The following ASIC2 variants were observed in gnomAD, a reference collection of about 807,000 sequenced individuals.
The protein encoded by ASIC2 is acid-sensing ion channel 2.
ASIC2 carries 25 observed loss-of-function variants against 57.3 expected under a neutral mutation model. That is an observed-to-expected ratio of 0.44 (90% CI 0.32 to 0.61). The LOEUF is 0.61. ASIC2 is among the 20% of genes least tolerant of loss of function. The pLI is 0.06. For synonymous variants in ASIC2, 319 were observed against 307.5 expected (o/e 1.04, Z -0.39); for missense variants, 641 against 738.1 (o/e 0.87, Z 1.52).
At chr17:34,037,630 A>C in intron 1 of ASIC2, 1 of 1,602,180 alleles carries the variant, frequency 6.2e-7, no homozygotes, top group Non-Finnish European at 8.5e-7. Flanking sequence ...CTCAATTAGA[A>C]GAACTGTTAT....
At chr17:33,154,227 C>T (rs1007411610) in intron 1 of ASIC2, among the ~76,000 whole-genome samples, 1 of 152,190 alleles carries the variant, frequency 6.6e-6, no homozygotes, top group Non-Finnish European at 1.5e-5. Flanking sequence ...GGCTTGGGTG[C>T]AGTGGCTATT....
intron 1 of ASIC2, among the ~76,000 whole-genome samples, chr17:33,166,035 T>G (rs1905296381): frequency 6.6e-6 from 1 of 152,180 alleles, no homozygotes; most frequent in African/African-American, 2.4e-5. Context: ...CACTGTAATA[T>G]CCAGAGACAT....
intron 1 of ASIC2, among the ~76,000 whole-genome samples, chr17:33,543,608 G>A (rs1424535438): frequency 3.9e-5 from 6 of 152,216 alleles, no homozygotes; most frequent in Non-Finnish European, 7.3e-5. Flanking sequence ...GAAACTGTCT[G>A]TGGTCCCTGC....
chr17:34,118,155 G>C (rs1911483658), intron 1 of ASIC2, among the ~76,000 whole-genome samples: 1 of 152,136 alleles, frequency 6.6e-6, no homozygotes, highest in African/African-American at 2.4e-5. Context: ...GTCACTAATG[G>C]ATTGTATAAT....
chr17:33,183,212 C>A (rs890669293), intron 1 of ASIC2, among the ~76,000 whole-genome samples: 1 of 152,158 alleles, frequency 6.6e-6, no homozygotes, highest in Non-Finnish European at 1.5e-5. Context: ...AGAAACTAAC[C>A]TTTATTTTTG....
intron 1 of ASIC2, among the ~76,000 whole-genome samples, chr17:33,963,524 T>C (rs1002669942): frequency 1.3e-5 from 2 of 152,194 alleles, no homozygotes; most frequent in Non-Finnish European, 2.9e-5. Flanking sequence ...GTAACTTAAA[T>C]ATGCATTGGA....
intron 1 of ASIC2, among the ~76,000 whole-genome samples, chr17:33,542,147 G>A (rs1407689600): frequency 1.3e-5 from 2 of 152,174 alleles, no homozygotes; most frequent in Non-Finnish European, 2.9e-5. Context: ...AATCTTCATT[G>A]TTGGACATTT....
At chr17:33,238,982 T>C (rs1908400501) in intron 1 of ASIC2, among the ~76,000 whole-genome samples, 3 of 146,752 alleles carry the variant, frequency 2.0e-5, no homozygotes, top group Non-Finnish European at 4.5e-5. Context: ...CCAGCCTGAA[T>C]GACAGAGAGA....
intron 3 of ASIC2, among the ~76,000 whole-genome samples, chr17:33,085,604 C>T (rs1373044321): frequency 1.3e-5 from 2 of 152,238 alleles, no homozygotes. Context: ...TTGTTTACCA[C>T]TGTATCTCTA....
chr17:33,050,516 A>G (rs2091970984), intron 3 of ASIC2, among the ~76,000 whole-genome samples: 1 of 152,186 alleles, frequency 6.6e-6, no homozygotes, highest in Non-Finnish European at 1.5e-5. Context: ...CCTCTTCCCT[A>G]ACTCAGGGGC....
intron 1 of ASIC2, among the ~76,000 whole-genome samples, chr17:33,811,174 T>C (rs921838400): frequency 1.3e-5 from 2 of 152,198 alleles, no homozygotes; most frequent in Non-Finnish European, 2.9e-5. Context: ...TACAGATCAT[T>C]AAAGCACATT....
chr17:33,970,239 C>G (rs967156908), intron 1 of ASIC2, among the ~76,000 whole-genome samples: 1 of 152,184 alleles, frequency 6.6e-6, no homozygotes, highest in Non-Finnish European at 1.5e-5. Context: ...TATCAAATGT[C>G]CCCTGGGTGG....
intron 1 of ASIC2, among the ~76,000 whole-genome samples, chr17:33,953,031 T>G (rs1904627861): frequency 6.6e-6 from 1 of 152,230 alleles, no homozygotes; most frequent in African/African-American, 2.4e-5. Context: ...TATATTATTT[T>G]ATAATGGGTT....
chr17:33,065,812 T>C (rs1327314989), intron 3 of ASIC2, among the ~76,000 whole-genome samples: 2 of 152,168 alleles, frequency 1.3e-5, no homozygotes, highest in South Asian at 2.1e-4. Context: ...TGAAAAACTA[T>C]ATGTCCGATT....
At chr17:33,505,892 C>CA (rs1914235049) in intron 1 of ASIC2, among the ~76,000 whole-genome samples, 1 of 152,202 alleles carries the variant, frequency 6.6e-6, no homozygotes, top group African/African-American at 2.4e-5. Flanking sequence ...AACTCATTAT[C>CA]ATGCATTTTA....
chr17:33,198,964 CT>C (rs1459685243), intron 1 of ASIC2, among the ~76,000 whole-genome samples: 41 of 152,284 alleles, frequency 2.7e-4, no homozygotes, highest in African/African-American at 9.9e-4. Context: ...TTGATTTAAC[CT>C]TGCTATCTGT....
At chr17:33,747,954 C>T (rs1910316373) in intron 1 of ASIC2, among the ~76,000 whole-genome samples, 1 of 152,246 alleles carries the variant, frequency 6.6e-6, no homozygotes, top group African/African-American at 2.4e-5. Flanking sequence ...GTAACATGAG[C>T]TAGACATTCT....
intron 1 of ASIC2, among the ~76,000 whole-genome samples, chr17:34,098,833 G>A (rs926116199): frequency 6.6e-6 from 1 of 152,062 alleles, no homozygotes; most frequent in Admixed American, 6.5e-5. Context: ...TGATTTCTGG[G>A]AATGCACGGT....
At chr17:33,297,799 G>C (rs1274733019), upstream of ASIC2, among the ~76,000 whole-genome samples, 2 of 150,670 alleles carry the variant, frequency 1.3e-5, no homozygotes, top group Non-Finnish European at 2.9e-5. Context: ...TCCAGCCTCG[G>C]GCATCAGAGT....
Sources: allele counts gnomAD v4.1 joint callset (sites outside exome capture counted in the v4.1 genomes callset), GRCh38; gene constraint gnomAD v4.1.1; transcripts MANE v1.5; gene names NCBI Gene and HGNC (gene_info 2026-07-23, HGNC 2026-07-21).